DNAJC24: variants seen among roughly 807,000 people sequenced by gnomAD.
DNAJC24 encodes the protein DnaJ heat shock protein family (Hsp40) member C24.
A neutral mutation model predicts 18.0 loss-of-function variants in DNAJC24; 17 were observed. The observed-to-expected ratio is 0.94, with a 90% CI of 0.65 to 1.42. The LOEUF (loss-of-function observed/expected upper bound fraction) is 1.42. Among genes scored for constraint, DNAJC24 ranks in the 40% most tolerant of loss-of-function variants. The pLI, the probability that DNAJC24 is intolerant of heterozygous loss-of-function variation, is 0.00. For synonymous variants in DNAJC24, 55 were observed against 57.7 expected (o/e 0.95, Z 0.21); for missense variants, 158 against 175.6 (o/e 0.90, Z 0.57).
chr11:31,409,670 C>A (rs1952688020), intron 2 of DNAJC24, among the ~76,000 whole-genome samples: 3 of 151,972 alleles, frequency 2.0e-5, no homozygotes, highest in Admixed American at 2.0e-4. Flanking sequence ...ATTTATGGTT[C>A]CAGTGTTTTA....
chr11:31,404,518 G>T (rs1952635576), intron 2 of DNAJC24, among the ~76,000 whole-genome samples: 1 of 152,162 alleles, frequency 6.6e-6, no homozygotes, highest in African/African-American at 2.4e-5. Context: ...AGAGAGGAAT[G>T]CCTGTGCTGT....
intron 2 of DNAJC24, among the ~76,000 whole-genome samples, chr11:31,388,462 A>G (rs1952453435): frequency 6.6e-6 from 1 of 152,186 alleles, no homozygotes; most frequent in African/African-American, 2.4e-5. Context: ...GAGTAGCATG[A>G]CATATTTAAA....
chr11:31,400,621 A>G (rs920504961), intron 2 of DNAJC24, among the ~76,000 whole-genome samples: 1 of 152,234 alleles, frequency 6.6e-6, no homozygotes, highest in Non-Finnish European at 1.5e-5. Context: ...GAAACAAGCA[A>G]TGGGGAAAAG....
In DNAJC24 at chr11:31,414,935, AC is replaced by A; in HGVS notation, c.238del (p.Leu80CysfsTer8). The A allele has an allele frequency of 6.2e-7, 1 of 1,613,558 alleles. No individual in the cohort carries two copies. The highest frequency in any genetic ancestry group is 1.3e-5 in the African/African-American group (1 of 75,048). On this transcript the variant is annotated frameshift_variant, in exon 3 of 5. Coordinates refer to ENST00000465995, the MANE Select transcript of DNAJC24 (RefSeq NM_181706.5). LOFTEE classifies it high-confidence loss of function. The stretch of plus-strand genomic sequence containing the variant: ...AATGAAGAGACAAAAAGAGAGTATG[AC>A]CTGCAGCGGTGTGGTAGGTGCTTGT... ...LGNEETKREY[D>X]LQRCEDDLRN...
chr11:31,375,043 G>A (rs1233850958), intron 2 of DNAJC24, among the ~76,000 whole-genome samples: 1 of 134,214 alleles, frequency 7.5e-6, no homozygotes, highest in South Asian at 2.5e-4. Flanking sequence ...GCCAGTTGCT[G>A]TGGTTCACAC....
At chr11:31,396,351 A>G (rs778426385) in intron 2 of DNAJC24, 21 of 449,874 alleles carry the variant, frequency 4.7e-5, no homozygotes, top group Non-Finnish European at 7.6e-5. Flanking sequence ...TTCACTTACA[A>G]GGAAATCAAG....
At chr11:31,370,157 T>C (rs998947214) in intron 1 of DNAJC24, among the ~76,000 whole-genome samples, 3 of 152,204 alleles carry the variant, frequency 2.0e-5, no homozygotes, top group Non-Finnish European at 4.4e-5. Flanking sequence ...TTGCGAGGTC[T>C]CAGCGCCTCT....
chr11:31,425,311 T>C (rs1952851077), intron 3 of DNAJC24, among the ~76,000 whole-genome samples: 1 of 152,228 alleles, frequency 6.6e-6, no homozygotes, highest in African/African-American at 2.4e-5. Context: ...GTAAAATGAT[T>C]AATAGGCTTT....
At chr11:31,391,004 G>A (rs933812237) in intron 2 of DNAJC24, among the ~76,000 whole-genome samples, 10 of 152,042 alleles carry the variant, frequency 6.6e-5, no homozygotes, top group South Asian at 6.2e-4. Flanking sequence ...ATCATTCTTC[G>A]TGACCAAGTG....
At chr11:31,396,985 C>A (rs546515292) in intron 2 of DNAJC24, among the ~76,000 whole-genome samples, 1 of 152,320 alleles carries the variant, frequency 6.6e-6, no homozygotes, top group South Asian at 2.1e-4. Flanking sequence ...CAATCCTACA[C>A]AGTTTCTCCA....
chr11:31,422,716 G>A (rs1952818849), intron 3 of DNAJC24, among the ~76,000 whole-genome samples: 2 of 152,088 alleles, frequency 1.3e-5, no homozygotes, highest in Admixed American at 6.6e-5. Flanking sequence ...GTTCCTGTAA[G>A]TTACTTTAGA....
At chr11:31,399,650 G>A (rs1364289177) in intron 2 of DNAJC24, among the ~76,000 whole-genome samples, 18 of 149,172 alleles carry the variant, frequency 1.2e-4, no homozygotes, top group African/African-American at 4.4e-4. Flanking sequence ...CTGACCTCGT[G>A]ATCTGCCCGC....
Position 31,430,878 on chromosome 11 carries a change from A to G in DNAJC24, c.*477A>G, listed in dbSNP as rs1165615707. 1 of 152,614 alleles carries G rather than the reference A, an allele frequency of 6.6e-6. No homozygotes were observed. Among genetic ancestry groups the G allele is most frequent in the Non-Finnish European group, 1.5e-5 (1 of 68,050 alleles). 9.5% of individuals were successfully genotyped at this position (152,614 alleles called of 1,614,324 possible). ...TCCATAAGGAAGGCTGGTTATGGATATTCATAAGGTTATTTCAAAGTTAAT... is the reference window on the plus strand; with the variant it reads ...TCCATAAGGAAGGCTGGTTATGGATGTTCATAAGGTTATTTCAAAGTTAAT... On this transcript the variant is annotated 3_prime_UTR_variant, in exon 5 of 5. Transcript: ENST00000465995.
intron 2 of DNAJC24, among the ~76,000 whole-genome samples, chr11:31,385,417 G>A (rs1042397941): frequency 2.6e-5 from 4 of 152,080 alleles, no homozygotes; most frequent in Admixed American, 6.5e-5. Context: ...ACTGTAATGT[G>A]CCACAAAAGC....
chr11:31,388,588 A>G (rs1293031948), intron 2 of DNAJC24, among the ~76,000 whole-genome samples: 1 of 152,224 alleles, frequency 6.6e-6, no homozygotes, highest in Non-Finnish European at 1.5e-5. Flanking sequence ...GAGTTCATCA[A>G]CCAGACCTGT....
chr11:31,428,951 T>C (rs1403074328), intron 4 of DNAJC24, among the ~76,000 whole-genome samples: 1 of 152,076 alleles, frequency 6.6e-6, no homozygotes, highest in African/African-American at 2.4e-5. Flanking sequence ...CTCAAATTGT[T>C]TTTCAGGGTT....
intron 3 of DNAJC24, chr11:31,416,420 T>G (rs1467042256): frequency 6.6e-6 from 1 of 152,194 alleles, no homozygotes; most frequent in Admixed American, 6.5e-5. Context: ...GAATGTGTTG[T>G]GTGTTAGAAG....
At chr11:31,419,625 G>A (rs1260762975) in intron 3 of DNAJC24, among the ~76,000 whole-genome samples, 1 of 151,894 alleles carries the variant, frequency 6.6e-6, no homozygotes, top group African/African-American at 2.4e-5. Flanking sequence ...TTTAATAGTG[G>A]AGCAGTCTAA....
chr11:31,399,645 C>A (rs906192301), intron 2 of DNAJC24, among the ~76,000 whole-genome samples: 12 of 151,614 alleles, frequency 7.9e-5, no homozygotes, highest in African/African-American at 2.9e-4. Flanking sequence ...AACCCCTGAC[C>A]TCGTGATCTG....
Sources: gnomAD v4.1 joint callset for allele counts (sites outside exome capture counted in the v4.1 genomes callset) on GRCh38, gnomAD v4.1.1 for gene constraint, MANE v1.5 for transcripts, NCBI Gene and HGNC (gene_info 2026-07-23, HGNC 2026-07-21) for gene names.